The following ZNF654 variants were observed in gnomAD, a reference collection of about 807,000 sequenced individuals.
ZNF654 encodes melanoma-associated antigen.
ZNF654 carries 19 observed loss-of-function variants against 95.3 expected under a neutral mutation model. The observed-to-expected ratio is 0.20, with a 90% CI of 0.14 to 0.29. ZNF654 has a LOEUF of 0.29. Ranked by LOEUF, ZNF654 falls within the 10% of genes least tolerant of loss-of-function variation. ZNF654 has a pLI of 1.00. For synonymous variants in ZNF654, 413 were observed against 457.9 expected, an observed-to-expected ratio of 0.90 and a Z score of 1.25; for missense variants, 1,046 against 1,341.0, an observed-to-expected ratio of 0.78 and a Z score of 3.44.
In ZNF654 at chr3:88,139,129, A is replaced by G; in HGVS notation, c.1460A>G (p.Lys487Arg). The change falls in exon 8 of 9, where the codon AAA becomes AGA. Residue 487 changes from lysine to arginine, a missense_variant. Physicochemically the swap from Lys to Arg is conservative, Grantham distance 26. This residue lies in a region of ZNF654 where 100 missense variants were observed against 108.9 expected (regional missense o/e 0.92). Coordinates refer to ENST00000636215, the MANE Select transcript of ZNF654 (RefSeq NM_001350134.2). ...STLENNAGNL[K>R]RTEEQQGLDE... ...CTGGAAAATAATGCAGGTAATCTAA[A>G]AAGGACGGAGGAACAGCAAGGTTTG... The G allele has an allele frequency of 3.1e-6, 4 of 1,285,828 alleles. No individual in the cohort carries two copies. Among genetic ancestry groups the G allele is most frequent in the Non-Finnish European group, 3.0e-6 (3 of 1,015,072 alleles). 79.7% of individuals were successfully genotyped at this position (1,285,828 alleles called of 1,614,324 possible).
At chr3:88,108,776 CA>C (rs1704901996) in intron 2 of ZNF654, among the ~76,000 whole-genome samples, 1 of 151,304 alleles carries the variant, frequency 6.6e-6, no homozygotes, top group Non-Finnish European at 1.5e-5. Flanking sequence ...TCATATATGC[CA>C]AAGAAAAGCT....
intron 1 of ZNF654, among the ~76,000 whole-genome samples, chr3:88,076,441 TGTCTA>T (rs1707805545): frequency 6.6e-6 from 1 of 152,202 alleles, no homozygotes; most frequent in Non-Finnish European, 1.5e-5. Context: ...TTTTGATATC[TGTCTA>T]GTCTAGCCTC....
At chr3:88,117,945 TA>T (rs5850829) in intron 3 of ZNF654, among the ~76,000 whole-genome samples, 116,946 of 147,774 alleles carry the variant, frequency 0.79, 46,913 homozygotes, top group East Asian at 0.93. Context: ...AATAGATGAT[TA>T]AAAAAAAAAA....
At chr3:88,129,066 C>T (rs563906302) in intron 5 of ZNF654, 55 bp downstream of exon 5, 2 of 1,250,100 alleles carry the variant, frequency 1.6e-6, no homozygotes, top group Non-Finnish European at 2.1e-6. Context: ...CAAAAAAAAA[C>T]CAAAAAAAAA....
At chr3:88,101,519 CAGT>C (rs1704425860) in intron 2 of ZNF654, among the ~76,000 whole-genome samples, 1 of 152,104 alleles carries the variant, frequency 6.6e-6, no homozygotes, top group South Asian at 2.1e-4. Context: ...TAGCATTTAT[CAGT>C]AGCTCATTTC....
chr3:88,089,784 C>T (rs1459901478), intron 2 of ZNF654, among the ~76,000 whole-genome samples: 1 of 152,198 alleles, frequency 6.6e-6, no homozygotes, highest in Non-Finnish European at 1.5e-5. Context: ...TATGTTCCTA[C>T]TGCTTAGATT....
rs1262393966 is a variant in ZNF654, at chr3:88,143,783, A to G, written c.*2131A>G. 6.6e-6 allele frequency: 1 copy of G among 152,056 alleles called. No homozygotes were observed. The allele number at this position is 152,056 out of a possible 1,614,324, so 9.4% of individuals were successfully genotyped here. On this transcript the variant is annotated 3_prime_UTR_variant, in exon 9 of 9. Coordinates refer to ENST00000636215, the MANE Select transcript of ZNF654 (RefSeq NM_001350134.2). ...AAACTGGTTTATATATAACTAAATC[A>G]AGGAATGTTTTATAAAATTCTATTT... is the stretch of plus-strand genomic sequence containing the variant.
At position 88,083,539 on chromosome 3, in the gene ZNF654, T is replaced by C. The variant is rs577047747; in HGVS notation, c.187-2718T>C. ...GCGTGCTTCTGGCCTTGGCTATTGC[T>C]TCTGTCATCAGTGTTCCTATAATTT... is the stretch of plus-strand genomic sequence containing the variant. On this transcript the variant is annotated intron_variant, in intron 1 of 8. Coordinates refer to ENST00000636215, the MANE Select transcript of ZNF654 (RefSeq NM_001350134.2). 1.9e-4 allele frequency among the ~76,000 whole-genome samples: 29 copies of C among 152,328 alleles called. No homozygotes were observed. In the East Asian group the frequency reaches 5.2e-3, roughly 27 times the overall value.
chr3:88,113,505 A>AGC (rs748554745), intron 3 of ZNF654, among the ~76,000 whole-genome samples: 33 of 152,266 alleles, frequency 2.2e-4, no homozygotes, highest in Non-Finnish European at 2.9e-4. Flanking sequence ...GACTTGAAGT[A>AGC]AGCTGTCTAT....
chr3:88,127,965 C>A (rs1172620922), intron 4 of ZNF654, among the ~76,000 whole-genome samples: 1 of 152,048 alleles, frequency 6.6e-6, no homozygotes, highest in African/African-American at 2.4e-5. Flanking sequence ...CAAAATAAAA[C>A]ATTTGTAAGC....
rs1707189881 is a variant in ZNF654 at position 88,142,676 on chromosome 3, TTATTC to T, written c.*1029_*1033del. ...GAATCAGGTTGAGAAATCATTCATT[TTATTC>T]TATTAGGAGAGGTAATTCCAAAATA... On this transcript the variant is annotated 3_prime_UTR_variant, in exon 9 of 9. Coordinates refer to ENST00000636215, the MANE Select transcript of ZNF654 (RefSeq NM_001350134.2). 1.3e-5 allele frequency: 2 copies of T among 152,364 alleles called. No homozygotes were observed. Among genetic ancestry groups the T allele is most frequent in the Non-Finnish European group, 2.9e-5 (2 of 67,816 alleles). 9.4% of individuals were successfully genotyped at this position (152,364 alleles called of 1,614,324 possible).
In ZNF654 at chr3:88,086,416, ACTT is replaced by A; in HGVS notation, c.332+18_332+20del. On this transcript the variant is annotated intron_variant, in intron 2 of 8. Transcript: ENST00000636215. The stretch of plus-strand genomic sequence containing the variant: ...TAGCCTTGCTGTGTAAGTACTTTTT[ACTT>A]CTTATAAATGCATTATTTTTCTTGA... 1 of 1,478,318 alleles carries A rather than the reference ACTT, an allele frequency of 6.8e-7. No homozygotes were observed. Among genetic ancestry groups the A allele is most frequent in the Non-Finnish European group, 9.0e-7 (1 of 1,113,852 alleles). The allele number at this position is 1,478,318 out of a possible 1,614,324, so 91.6% of individuals were successfully genotyped here. A position where few individuals can be genotyped will look rare whatever the true frequency, so the allele number is the denominator to read the frequency against.
At chr3:88,129,604 C>A in intron 5 of ZNF654, 83 bp from the exon 6 acceptor site, 9 of 1,090,012 alleles carry the variant, frequency 8.3e-6, no homozygotes, top group Non-Finnish European at 1.1e-5. Context: ...TAAGCAATTT[C>A]TCTTGAATGT....
chr3:88,115,059 C>T (rs984969609), intron 3 of ZNF654, among the ~76,000 whole-genome samples: 5 of 152,198 alleles, frequency 3.3e-5, no homozygotes, highest in African/African-American at 4.8e-5. Context: ...TGTTCTTTCT[C>T]GTCTCCCATA....
At chr3:88,097,007 C>T (rs1252744809) in intron 2 of ZNF654, among the ~76,000 whole-genome samples, 1 of 152,142 alleles carries the variant, frequency 6.6e-6, no homozygotes, top group Non-Finnish European at 1.5e-5. Context: ...GAACACTGGT[C>T]ATCACATTGG....
intron 1 of ZNF654, among the ~76,000 whole-genome samples, chr3:88,071,040 C>A (rs1330537963): frequency 6.6e-6 from 1 of 152,116 alleles, no homozygotes; most frequent in Non-Finnish European, 1.5e-5. Context: ...ACTCATTCAT[C>A]GGTTCTCAAT....
intron 2 of ZNF654, among the ~76,000 whole-genome samples, chr3:88,106,605 A>AGT (rs1308648706): frequency 6.6e-6 from 1 of 152,106 alleles, no homozygotes; most frequent in African/African-American, 2.4e-5. Context: ...GGCCTCCCAG[A>AGT]GTGCTGGGAT....
intron 2 of ZNF654, among the ~76,000 whole-genome samples, chr3:88,092,896 G>C (rs1703830907): frequency 1.3e-5 from 2 of 152,124 alleles, no homozygotes; most frequent in African/African-American, 2.4e-5. Flanking sequence ...TTGAAAATTA[G>C]AGTTTTGCTA....
At chr3:88,115,640 A>G (rs1705344455) in intron 3 of ZNF654, among the ~76,000 whole-genome samples, 1 of 152,176 alleles carries the variant, frequency 6.6e-6, no homozygotes, top group South Asian at 2.1e-4. Flanking sequence ...TCAAGTAGAA[A>G]TTTTTAACTC....
Sources: allele counts gnomAD v4.1 joint callset (sites outside exome capture counted in the v4.1 genomes callset), GRCh38; gene constraint gnomAD v4.1.1; regional missense constraint gnomAD v4.1.1; transcripts MANE v1.5; gene names NCBI Gene and HGNC (gene_info 2026-07-23, HGNC 2026-07-21).